HLCS: variants seen among roughly 807,000 people sequenced by gnomAD.
The protein encoded by HLCS is holocarboxylase synthetase.
A neutral mutation model predicts 75.0 loss-of-function variants in HLCS; 53 were observed. That is an observed-to-expected ratio of 0.71 (90% confidence interval 0.57 to 0.89). The LOEUF (loss-of-function observed/expected upper bound fraction) is 0.89. Ranked by LOEUF, HLCS falls within the 40% of genes least tolerant of loss-of-function variation. The pLI is 0.00. For synonymous variants in HLCS, 431 were observed against 428.6 expected (o/e 1.01, Z -0.07); for missense variants, 966 against 1,074.0 (o/e 0.90, Z 1.41).
intron 6 of HLCS, among the ~76,000 whole-genome samples, chr21:36,823,610 G>GGTGCGTGTGTGTGTGT (rs1555901721): frequency 7.5e-6 from 1 of 132,726 alleles, no homozygotes; most frequent in Non-Finnish European, 1.6e-5. Flanking sequence ...AAACGTGCAG[G>GGTGCGTGTGTGTGTGT]GTGTGTGTGT....
intron 6 of HLCS, among the ~76,000 whole-genome samples, chr21:36,795,703 G>A (rs1021603450): frequency 6.6e-6 from 1 of 152,234 alleles, no homozygotes; most frequent in Non-Finnish European, 1.5e-5. Flanking sequence ...GCCTTAGGGA[G>A]TAAGTTATTA....
intron 6 of HLCS, among the ~76,000 whole-genome samples, chr21:36,776,337 T>A (rs780699150): frequency 5.9e-5 from 9 of 152,160 alleles, no homozygotes; most frequent in Non-Finnish European, 1.2e-4. Flanking sequence ...TCTGTGTAGC[T>A]TCCTAAAACC....
chr21:36,925,602 G>A (rs903450436), intron 5 of HLCS, among the ~76,000 whole-genome samples: 1 of 152,156 alleles, frequency 6.6e-6, no homozygotes, highest in Non-Finnish European at 1.5e-5. Context: ...TCACTGGGGG[G>A]ACCAAAAGGG....
intron 6 of HLCS, among the ~76,000 whole-genome samples, chr21:36,871,266 C>T (rs1400709108): frequency 6.6e-6 from 1 of 152,116 alleles, no homozygotes; most frequent in Non-Finnish European, 1.5e-5. Context: ...AGAATACAGA[C>T]TGTGATTTTT....
intron 6 of HLCS, among the ~76,000 whole-genome samples, chr21:36,806,605 T>A (rs2061367930): frequency 6.6e-6 from 1 of 152,136 alleles, no homozygotes; most frequent in African/African-American, 2.4e-5. Flanking sequence ...GGTGCCTTGA[T>A]GAAAAATTTC....
At chr21:36,807,305 G>A (rs2061389036) in intron 6 of HLCS, among the ~76,000 whole-genome samples, 3 of 151,822 alleles carry the variant, frequency 2.0e-5, no homozygotes, top group African/African-American at 4.8e-5. Flanking sequence ...CTCCCAAGGC[G>A]AGCCTCCTGA....
At chr21:36,849,675 C>T (rs75628711) in intron 6 of HLCS, among the ~76,000 whole-genome samples, 2,417 of 152,296 alleles carry the variant, frequency 0.016, 67 homozygotes, top group African/African-American at 0.055. Context: ...TGCCAGCATC[C>T]GGCTCTGCCT....
At chr21:36,913,570 G>A (rs1180627635) in intron 5 of HLCS, among the ~76,000 whole-genome samples, 1 of 152,082 alleles carries the variant, frequency 6.6e-6, no homozygotes, top group African/African-American at 2.4e-5. Context: ...AGACCAGCCT[G>A]GCCAACATCG....
At chr21:36,779,616 C>A (rs781480211) in intron 6 of HLCS, among the ~76,000 whole-genome samples, 3 of 152,200 alleles carry the variant, frequency 2.0e-5, no homozygotes, top group East Asian at 3.8e-4. Flanking sequence ...ATCACACTTA[C>A]TAACTAGAGT....
Position 36,946,538 on chromosome 21 carries a change from G to A in HLCS, c.331-7544C>T, listed in dbSNP as rs750081890. Among the ~76,000 whole-genome samples, 22 of 151,902 alleles carry A rather than the reference G, an allele frequency of 1.4e-4. 1 individual carries two copies. The highest frequency in any genetic ancestry group is 2.4e-4 in the Non-Finnish European group (16 of 68,004). ...ATTACAGGTGTGAGCCACCATGTCC[G>A]GCCCCCCACAACAAAATCTTATTCC... On this transcript the variant is annotated intron_variant, in intron 2 of 10. Coordinates refer to ENST00000674895, the MANE Select transcript of HLCS (RefSeq NM_001352514.2).
chr21:36,903,139 C>T (rs954954121), intron 5 of HLCS, among the ~76,000 whole-genome samples: 11 of 152,162 alleles, frequency 7.2e-5, no homozygotes, highest in African/African-American at 2.4e-4. Context: ...CTCAAATGAG[C>T]TACCAAAAGC....
chr21:36,882,205 C>G (rs188040605), intron 6 of HLCS, among the ~76,000 whole-genome samples: 1,772 of 152,040 alleles, frequency 0.012, 22 homozygotes, highest in Non-Finnish European at 0.017. Context: ...TGGCATGAAC[C>G]CGGAAGGCGG....
rs11297170 is a variant in HLCS at position 36,886,432 on chromosome 21, CAAAAAAAAAA to C, written c.1892+10418_1892+10427del. 7.5e-5 allele frequency among the ~76,000 whole-genome samples: 5 copies of C among 66,926 alleles called. No homozygotes were observed. The Admixed American group carries it at 8.5e-4, about 11-fold the overall frequency. The allele number at this position is 66,926 out of a possible 152,430, so 43.9% of individuals were successfully genotyped here. On this transcript the variant is annotated intron_variant, in intron 6 of 10. Coordinates refer to ENST00000674895, the MANE Select transcript of HLCS (RefSeq NM_001352514.2). ...TGAGCAACAGAGCGAGACTCCATCT[CAAAAAAAAAA>C]AAAAAAAAAAAAAGATGGGTGCTAT... is the stretch of plus-strand genomic sequence containing the variant.
chr21:36,756,790 GT>G, intron 9 of HLCS, 35 bp from the exon 10 acceptor site: 1 of 1,613,308 alleles, frequency 6.2e-7, no homozygotes, highest in East Asian at 2.2e-5. Context: ...AGCTCAGCCT[GT>G]TGATGGCATC....
intron 4 of HLCS, among the ~76,000 whole-genome samples, chr21:36,932,336 A>G (rs1333131032): frequency 1.3e-5 from 2 of 152,078 alleles, no homozygotes; most frequent in Non-Finnish European, 2.9e-5. Flanking sequence ...ATTGTTTGTC[A>G]TTTCACTTAA....
At chr21:36,896,561 T>TTTAA in intron 6 of HLCS, 1 of 433,224 alleles carries the variant, frequency 2.3e-6, no homozygotes, top group East Asian at 4.6e-5. Flanking sequence ...ATGCCACCGG[T>TTTAA]TAAACATCTT....
intron 6 of HLCS, among the ~76,000 whole-genome samples, chr21:36,830,681 A>C (rs1013335322): frequency 6.6e-6 from 1 of 152,052 alleles, no homozygotes; most frequent in African/African-American, 2.4e-5. Context: ...TCTCTAAAAA[A>C]AGTTTAAAAA....
intron 2 of HLCS, chr21:36,947,989 G>A (rs1653196631): frequency 2.7e-5 from 27 of 985,354 alleles, no homozygotes; most frequent in Non-Finnish European, 3.1e-5. Context: ...AAACGCAGAG[G>A]TAAAGAATTT....
intron 4 of HLCS, among the ~76,000 whole-genome samples, chr21:36,933,922 C>T (rs554281166): frequency 3.3e-5 from 5 of 152,262 alleles, no homozygotes; most frequent in South Asian, 2.1e-4. Context: ...TACAAGCGGG[C>T]GGAGTTCCTG....
Sources: allele counts gnomAD v4.1 joint callset (sites outside exome capture counted in the v4.1 genomes callset), GRCh38; gene constraint gnomAD v4.1.1; transcripts MANE v1.5; gene names NCBI Gene and HGNC (gene_info 2026-07-23, HGNC 2026-07-21).